Variants in TTLL5 observed in about 807,000 individuals in gnomAD.
TTLL5 encodes tubulin polyglutamylase TTLL5.
In TTLL5, 132 loss-of-function variants were observed where a neutral mutation model predicts 168.4. The observed-to-expected ratio is 0.78, with a 90% CI of 0.68 to 0.91. The LOEUF is 0.91. TTLL5 is among the 40% of genes least tolerant of loss of function. The probability of loss-of-function intolerance (pLI) is 0.00; values close to 1 mark genes in which losing one functional copy is unlikely to be tolerated. For missense variants in TTLL5, 1,545 were observed against 1,581.5 expected, an observed-to-expected ratio of 0.98 and a Z score of 0.39; for synonymous variants, 546 against 558.6, an observed-to-expected ratio of 0.98 and a Z score of 0.32.
rs142805163 is a variant in TTLL5 at position 75,745,759 on chromosome 14, T to C, written c.1487+178T>C. 1.9e-3 allele frequency among the ~76,000 whole-genome samples: 293 copies of C among 152,240 alleles called. 1 individual carries two copies. Among genetic ancestry groups the C allele is most frequent in the African/African-American group, 6.8e-3 (282 of 41,530 alleles). Reference sequence around the variant, plus strand: ...TATTGACAGTAATTTAATATACCTGTGTATTATTTCTCCCTTTTAATCCTC... The same window carrying C: ...TATTGACAGTAATTTAATATACCTGCGTATTATTTCTCCCTTTTAATCCTC... On this transcript the variant is annotated intron_variant, in intron 17 of 31. Transcript: ENST00000298832.
At chr14:75,783,787 A>C (rs1308868436) in intron 26 of TTLL5, among the ~76,000 whole-genome samples, 1 of 152,212 alleles carries the variant, frequency 6.6e-6, no homozygotes, top group Non-Finnish European at 1.5e-5. Flanking sequence ...GTTCACTAGG[A>C]GCCTACAGCC....
intron 29 of TTLL5, among the ~76,000 whole-genome samples, chr14:75,867,684 C>T (rs2030636372): frequency 1.3e-5 from 2 of 150,692 alleles, no homozygotes; most frequent in African/African-American, 4.9e-5. Flanking sequence ...CACTTGAACC[C>T]GGGAGGCGGA....
intron 29 of TTLL5, among the ~76,000 whole-genome samples, chr14:75,877,737 T>C (rs2031574886): frequency 6.6e-6 from 1 of 152,246 alleles, no homozygotes; most frequent in South Asian, 2.1e-4. Flanking sequence ...CTAATTCTTC[T>C]GTCCTTTTAT....
chr14:75,816,974 A>ATTT (rs35736530), intron 27 of TTLL5, among the ~76,000 whole-genome samples: 3,464 of 95,994 alleles, frequency 0.036, 229 homozygotes, highest in African/African-American at 0.069. Context: ...TCCCTGTCTT[A>ATTT]TTTTTTTTTT....
At chr14:75,688,072 C>G (rs1885199825) in intron 5 of TTLL5, among the ~76,000 whole-genome samples, 1 of 152,078 alleles carries the variant, frequency 6.6e-6, no homozygotes, top group Non-Finnish European at 1.5e-5. Context: ...AACTCCTTGG[C>G]TCCTTGGAAT....
At chr14:75,756,227 T>G (rs1284101607) in intron 18 of TTLL5, among the ~76,000 whole-genome samples, 1 of 152,128 alleles carries the variant, frequency 6.6e-6, no homozygotes, top group African/African-American at 2.4e-5. Flanking sequence ...GGATTTTTCT[T>G]TGCATATCAT....
At chr14:75,892,230 C>A (rs1317729155) in intron 30 of TTLL5, among the ~76,000 whole-genome samples, 1 of 152,224 alleles carries the variant, frequency 6.6e-6, no homozygotes, top group East Asian at 1.9e-4. Context: ...CCCTGTGCTG[C>A]AAATACATAG....
At chr14:75,930,476 A>C in intron 31 of TTLL5, 1 of 566,218 alleles carries the variant, frequency 1.8e-6, no homozygotes, top group Non-Finnish European at 2.2e-6. Context: ...CAGTAAGTAT[A>C]ATGCAAATAT....
In TTLL5 at chr14:75,737,663, G is replaced by A; in HGVS notation, c.1281+2374G>A. On this transcript the variant is annotated intron_variant, in intron 15 of 31. Coordinates refer to ENST00000298832, the MANE Select transcript of TTLL5 (RefSeq NM_015072.5). ...AAATTTTATTTTCATTCTCCAAATG[G>A]AAAGTTTTTTAGCTTTAGTTTTTCA... 2.0e-6 allele frequency: 3 copies of A among 1,503,644 alleles called. No individual in the cohort carries two copies. The East Asian group carries it at 7.4e-5, about 37-fold the overall frequency. 93.1% of individuals were successfully genotyped at this position (1,503,644 alleles called of 1,614,324 possible). A position where few individuals can be genotyped will look rare whatever the true frequency, so the allele number is the denominator to read the frequency against.
At chr14:75,741,239 C>T (rs1889246910) in intron 15 of TTLL5, among the ~76,000 whole-genome samples, 1 of 152,176 alleles carries the variant, frequency 6.6e-6, no homozygotes, top group African/African-American at 2.4e-5. Flanking sequence ...GTGCATGTTG[C>T]ATGGCAGAAT....
chr14:75,851,512 T>G (rs1160645636), intron 28 of TTLL5, among the ~76,000 whole-genome samples: 2 of 152,240 alleles, frequency 1.3e-5, no homozygotes, highest in Non-Finnish European at 2.9e-5. Flanking sequence ...ATCCAGTGCC[T>G]GAACCATTGC....
At chr14:75,800,299 C>A (rs1412919489) in intron 27 of TTLL5, among the ~76,000 whole-genome samples, 2 of 151,970 alleles carry the variant, frequency 1.3e-5, no homozygotes, top group African/African-American at 4.8e-5. Flanking sequence ...TTAAGTGTGT[C>A]TTTTATTTCC....
intron 27 of TTLL5, among the ~76,000 whole-genome samples, chr14:75,796,570 G>A (rs189037108): frequency 3.0e-4 from 45 of 152,260 alleles, no homozygotes; most frequent in African/African-American, 9.9e-4. Flanking sequence ...TTAGATTTAA[G>A]TCTTTCATCT....
chr14:75,733,197 A>T (rs1329646288), intron 13 of TTLL5, among the ~76,000 whole-genome samples: 4 of 152,172 alleles, frequency 2.6e-5, no homozygotes, highest in African/African-American at 4.8e-5. Flanking sequence ...GATGCTTCAG[A>T]TGTTATGCAA....
chr14:75,920,867 C>T (rs1019858142), intron 31 of TTLL5, among the ~76,000 whole-genome samples: 2 of 152,208 alleles, frequency 1.3e-5, no homozygotes, highest in African/African-American at 4.8e-5. Context: ...CCTATTTCTC[C>T]ACATCCTCTC....
At chr14:75,851,095 CAAAA>C (rs35393032) in intron 28 of TTLL5, among the ~76,000 whole-genome samples, 2 of 95,950 alleles carry the variant, frequency 2.1e-5, no homozygotes, top group Non-Finnish European at 3.9e-5. Context: ...GACCTTGTCT[CAAAA>C]AAAAAAAAAA....
At chr14:75,777,610 TAGAG>T (rs916431294) in intron 23 of TTLL5, among the ~76,000 whole-genome samples, 6 of 152,226 alleles carry the variant, frequency 3.9e-5, no homozygotes, top group African/African-American at 1.4e-4. Flanking sequence ...TTTTTCTAAA[TAGAG>T]AGATGTGCAA....
intron 29 of TTLL5, among the ~76,000 whole-genome samples, chr14:75,875,923 A>G (rs1473783635): frequency 6.6e-6 from 1 of 152,276 alleles, no homozygotes; most frequent in Non-Finnish European, 1.5e-5. Context: ...ACATTTATTA[A>G]AGAAATTTGT....
chr14:75,753,935 T>G (rs1479230111), intron 18 of TTLL5, among the ~76,000 whole-genome samples: 1 of 152,238 alleles, frequency 6.6e-6, no homozygotes, highest in Non-Finnish European at 1.5e-5. Context: ...TTTCAGTCTT[T>G]CAGCTGTGGG....
Sources: allele counts gnomAD v4.1 joint callset (sites outside exome capture counted in the v4.1 genomes callset), GRCh38; gene constraint gnomAD v4.1.1; transcripts MANE v1.5; gene names NCBI Gene and HGNC (gene_info 2026-07-23, HGNC 2026-07-21).